The following HIP1 variants were observed in gnomAD, a reference collection of about 807,000 sequenced individuals.
The protein encoded by HIP1 is huntingtin interacting protein 1.
Under a neutral mutation model 147.6 loss-of-function variants are expected in HIP1, and 65 were observed. The observed-to-expected ratio is 0.44, with a 90% CI of 0.36 to 0.54. HIP1 has a LOEUF of 0.54. HIP1 is among the 20% of genes least tolerant of loss of function. The probability of loss-of-function intolerance (pLI) is 0.00; values close to 1 mark genes in which losing one functional copy is unlikely to be tolerated. For synonymous variants in HIP1, 479 were observed against 504.0 expected (o/e 0.95, Z 0.67); for missense variants, 1,061 against 1,299.6 (o/e 0.82, Z 2.82).
chr7:75,541,108 A>T (rs1314879484), intron 29 of HIP1, among the ~76,000 whole-genome samples: 7 of 143,326 alleles, frequency 4.9e-5, no homozygotes, highest in East Asian at 2.0e-4. Flanking sequence ...TATCTTATTT[A>T]AAAAAAAAAA....
At chr7:75,640,639 G>A (rs1413633025) in intron 1 of HIP1, among the ~76,000 whole-genome samples, 1 of 152,016 alleles carries the variant, frequency 6.6e-6, no homozygotes, top group African/African-American at 2.4e-5. Flanking sequence ...TATAATCCCA[G>A]CTACTCGGGA....
At chr7:75,569,939 C>CT (rs35481189) in intron 8 of HIP1, among the ~76,000 whole-genome samples, 25,082 of 145,848 alleles carry the variant, frequency 0.17, 2,320 homozygotes, top group African/African-American at 0.26. Context: ...AAAGTACGAA[C>CT]TTTTTTTTTT....
At chr7:75,712,889 C>G (rs1258230995) in intron 1 of HIP1, among the ~76,000 whole-genome samples, 2 of 152,226 alleles carry the variant, frequency 1.3e-5, no homozygotes, top group Non-Finnish European at 2.9e-5. Context: ...CACTCATTCA[C>G]TGACTTGCTA....
chr7:75,558,195 A>C lies in HIP1; in HGVS notation c.1436T>G (p.Val479Gly). ...CCGCAGCAGGTCAGCGTGGTTCTGA[A>C]CCAGCTCGCTGTACTTCTCCTTTAG... ...SKLKEKYSEL[V>G]QNHADLLRKN... The change falls in exon 15 of 31, where the codon GTT (valine) becomes GGT (glycine). Residue 479 changes from valine (V) to glycine (G), a missense_variant. By Grantham distance (109) the Val-to-Gly change is moderately radical (BLOSUM62 -3). Around this residue, in one of 3 missense-constraint regions of HIP1, gnomAD observed 810 missense variants for 946.8 expected, o/e 0.86. Coordinates refer to ENST00000336926, the MANE Select transcript of HIP1 (RefSeq NM_005338.7). 6.2e-7 allele frequency: 1 copy of C among 1,614,178 alleles called. No homozygotes were observed. The highest frequency in any genetic ancestry group is 8.5e-7 in the Non-Finnish European group (1 of 1,180,008).
chr7:75,549,283 C>T (rs1214472194), intron 22 of HIP1, among the ~76,000 whole-genome samples: 1 of 152,186 alleles, frequency 6.6e-6, no homozygotes, highest in Middle Eastern at 3.4e-3. Context: ...GACCCCAGTC[C>T]CTTAGTTGTG....
At chr7:75,557,873 C>T in intron 15 of HIP1, 103 bp from the exon 16 acceptor site, 1 of 840,156 alleles carries the variant, frequency 1.2e-6, no homozygotes, top group African/African-American at 1.7e-5. Context: ...TAGAGTCAGA[C>T]ACAGGAATCA....
intron 1 of HIP1, among the ~76,000 whole-genome samples, chr7:75,704,369 C>G (rs1490999878): frequency 1.3e-5 from 2 of 151,766 alleles, no homozygotes; most frequent in Admixed American, 6.6e-5. Flanking sequence ...CTCAGCCTCC[C>G]GAGTAGCTGG....
intron 1 of HIP1, among the ~76,000 whole-genome samples, chr7:75,637,851 C>T (rs936074830): frequency 1.3e-5 from 2 of 151,964 alleles, no homozygotes; most frequent in African/African-American, 2.4e-5. Context: ...AGGCCAGGGC[C>T]GGGCAGAGAA....
intron 1 of HIP1, among the ~76,000 whole-genome samples, chr7:75,616,561 C>A (rs1554506073): frequency 6.6e-6 from 1 of 150,412 alleles, no homozygotes; most frequent in East Asian, 2.0e-4. Context: ...GCGCTAGCCA[C>A]CATGCCTGGC....
At chr7:75,613,189 C>G (rs1317975219) in intron 1 of HIP1, among the ~76,000 whole-genome samples, 5 of 152,046 alleles carry the variant, frequency 3.3e-5, no homozygotes, top group African/African-American at 1.2e-4. Context: ...GTGGCAATAG[C>G]TCAGGTTAAC....
chr7:75,703,707 T>C (rs1442110953), intron 1 of HIP1, among the ~76,000 whole-genome samples: 7 of 152,042 alleles, frequency 4.6e-5, no homozygotes, highest in African/African-American at 1.4e-4. Flanking sequence ...GGCCATACTA[T>C]TCATCTACAA....
chr7:75,578,626 C>T (rs1350750627), intron 7 of HIP1, among the ~76,000 whole-genome samples: 2 of 152,062 alleles, frequency 1.3e-5, no homozygotes, highest in Non-Finnish European at 2.9e-5. Flanking sequence ...TGCAGTGAGC[C>T]GGAATCGCAC....
At chr7:75,636,580 A>G (rs1052129097) in intron 1 of HIP1, among the ~76,000 whole-genome samples, 3 of 152,208 alleles carry the variant, frequency 2.0e-5, no homozygotes, top group Non-Finnish European at 2.9e-5. Flanking sequence ...TCTTGCAGGA[A>G]TGAAAAGCAG....
At chr7:75,614,882 T>A (rs1433924958) in intron 1 of HIP1, among the ~76,000 whole-genome samples, 1 of 152,110 alleles carries the variant, frequency 6.6e-6, no homozygotes, top group East Asian at 1.9e-4. Flanking sequence ...CAAGTGATTC[T>A]CCTGCCTCAG....
intron 1 of HIP1, among the ~76,000 whole-genome samples, chr7:75,664,272 A>G (rs374492159): frequency 7.0e-6 from 1 of 143,534 alleles, no homozygotes; most frequent in East Asian, 2.1e-4. Flanking sequence ...ATGTATACAT[A>G]CATATATACA....
At chr7:75,624,238 G>A (rs781798105) in intron 1 of HIP1, among the ~76,000 whole-genome samples, 3 of 152,174 alleles carry the variant, frequency 2.0e-5, no homozygotes, top group Non-Finnish European at 4.4e-5. Flanking sequence ...CTGGACCCAG[G>A]GAGTGAGAAC....
intron 1 of HIP1, among the ~76,000 whole-genome samples, chr7:75,612,490 C>T (rs587701108): frequency 1.5e-4 from 23 of 151,110 alleles, no homozygotes; most frequent in African/African-American, 4.4e-4. Context: ...GCCTGGGTGA[C>T]GAGAGAAACT....
At chr7:75,547,979 C>T (rs1794634286) in intron 23 of HIP1, among the ~76,000 whole-genome samples, 166 bp from the exon 24 acceptor site, 1 of 152,100 alleles carries the variant, frequency 6.6e-6, no homozygotes, top group Admixed American at 6.6e-5. Flanking sequence ...AATCCAGACT[C>T]TAACCTATTC....
chr7:75,680,607 A>AC (rs1800031095), intron 1 of HIP1, among the ~76,000 whole-genome samples: 2 of 97,200 alleles, frequency 2.1e-5, no homozygotes, highest in Admixed American at 2.2e-4. Context: ...ATAAAATATA[A>AC]CTTTTTTTTC....
Sources: gnomAD v4.1 joint callset for allele counts (sites outside exome capture counted in the v4.1 genomes callset) on GRCh38, gnomAD v4.1.1 for gene constraint, gnomAD v4.1.1 regional missense constraint, MANE v1.5 for transcripts, NCBI Gene and HGNC (gene_info 2026-07-23, HGNC 2026-07-21) for gene names.